The following CALCOCO1 variants were observed in gnomAD, a reference collection of about 807,000 sequenced individuals.
CALCOCO1 encodes calcium binding and coiled-coil domain 1.
CALCOCO1 carries 44 observed loss-of-function variants against 86.3 expected under a neutral mutation model. That is an observed-to-expected ratio of 0.51 (90% confidence interval 0.40 to 0.66). The LOEUF (loss-of-function observed/expected upper bound fraction) is 0.66, where lower values mean the gene tolerates loss of function less well. Ranked by LOEUF, CALCOCO1 falls within the 30% of genes least tolerant of loss-of-function variation. The pLI is 0.00. For missense variants in CALCOCO1, 708 were observed against 851.1 expected (o/e 0.83, Z 2.09); for synonymous variants, 297 against 327.6 (o/e 0.91, Z 1.01).
chr12:53,723,778 A>G lies in CALCOCO1; in HGVS notation c.265T>C (p.Tyr89His). 6.2e-7 allele frequency: 1 copy of G among 1,612,140 alleles called. No individual in the cohort carries two copies. Among genetic ancestry groups the G allele is most frequent in the Non-Finnish European group, 8.5e-7 (1 of 1,178,432 alleles). Reference protein sequence around the residue: ...IHTSVQFQASYLPKPGAQLYQ... With the variant: ...IHTSVQFQASHLPKPGAQLYQ... ...AGCTGAGCTCCTGGTTTGGGCAGGT[A>G]GCTGGCTGTGGGAAGAAGAATGGAC... The change falls in exon 4 of 15, where the codon TAC (tyrosine) becomes CAC (histidine). Residue 89 changes from tyrosine (Y) to histidine (H), a missense_variant. Physicochemically the swap from Tyr to His is moderately conservative, Grantham distance 83. Coordinates refer to ENST00000550804, the MANE Select transcript of CALCOCO1 (RefSeq NM_020898.3).
At chr12:53,722,493 G>T (rs1298981621) in intron 4 of CALCOCO1, among the ~76,000 whole-genome samples, 2 of 152,130 alleles carry the variant, frequency 1.3e-5, no homozygotes, top group African/African-American at 4.8e-5. Context: ...ACAAGGGATG[G>T]GTCCCCTAAT....
At chr12:53,723,841 C>G in intron 3 of CALCOCO1, 58 bp from the exon 4 acceptor site, 10 of 1,492,022 alleles carry the variant, frequency 6.7e-6, no homozygotes, top group Non-Finnish European at 9.2e-6. Flanking sequence ...GGCCCCAGCC[C>G]CTTGCTCGGT....
In CALCOCO1 at chr12:53,711,909, T is replaced by A. The variant is rs752665846; in HGVS notation, c.*35A>T. On this transcript the variant is annotated 3_prime_UTR_variant, in exon 15 of 15. Coordinates refer to ENST00000550804, the MANE Select transcript of CALCOCO1 (RefSeq NM_020898.3). ...GCATGTGTGTGAGTGTGTGTGTGCA[T>A]GAGTGTGTATTTGTGCATGTACGAG... is the stretch of plus-strand genomic sequence containing the variant. The A allele has an allele frequency of 6.6e-7, 1 of 1,513,284 alleles. No individual in the cohort carries two copies. Among genetic ancestry groups the A allele is most frequent in the South Asian group, 1.3e-5 (1 of 75,522 alleles). 93.7% of individuals were successfully genotyped at this position (1,513,284 alleles called of 1,614,324 possible). A position where few individuals can be genotyped will look rare whatever the true frequency, so the allele number is the denominator to read the frequency against.
At chr12:53,720,936 T>C (rs538361589) in intron 6 of CALCOCO1, among the ~76,000 whole-genome samples, 6 of 152,370 alleles carry the variant, frequency 3.9e-5, no homozygotes, top group Admixed American at 3.9e-4. Context: ...GATACAAAAA[T>C]GACAGCTGTC....
At chr12:53,717,136 CT>C (rs2120588692) in intron 7 of CALCOCO1, among the ~76,000 whole-genome samples, 1 of 152,290 alleles carries the variant, frequency 6.6e-6, no homozygotes, top group East Asian at 1.9e-4. Flanking sequence ...TCACAGCTCA[CT>C]GCAGCCTCCA....
chr12:53,716,491 G>C, intron 7 of CALCOCO1, 76 bp from the exon 8 acceptor site: 1 of 1,484,532 alleles, frequency 6.7e-7, no homozygotes, highest in Non-Finnish European at 9.3e-7. Context: ...ATTGTGATGA[G>C]AGAGGTCAAG....
At chr12:53,715,671 C>T (rs1945705515) in intron 9 of CALCOCO1, 122 bp downstream of exon 9, 1 of 1,357,022 alleles carries the variant, frequency 7.4e-7, no homozygotes, top group Admixed American at 2.0e-5. Flanking sequence ...CCCTCTCCAC[C>T]CAAGTCCTCT....
At position 53,716,302 on chromosome 12, in the gene CALCOCO1, C is replaced by T; in HGVS notation, c.963G>A (p.Val321=). ...SAQAQRLKDK[V]AQMKDTLGQA... is the part of the protein sequence containing the mutation. Reference sequence around the variant, plus strand: ...GGCCTAGGGTGTCCTTCATCTGGGCCACCTTGTCTTTCAGTCGCTGAGCCT... The same window carrying T: ...GGCCTAGGGTGTCCTTCATCTGGGCTACCTTGTCTTTCAGTCGCTGAGCCT... The change falls in exon 8 of 15, where the codon GTG becomes GTA. Residue 321 remains valine (V), a synonymous_variant. Transcript: ENST00000550804. The T allele has an allele frequency of 6.2e-7, 1 of 1,614,210 alleles. No homozygotes were observed. The highest frequency in any genetic ancestry group is 8.5e-7 in the Non-Finnish European group (1 of 1,180,040).
At position 53,721,504 on chromosome 12, in the gene CALCOCO1, T is replaced by C; in HGVS notation, c.721A>G (p.Ser241Gly). The C allele has an allele frequency of 2.5e-6, 4 of 1,612,838 alleles. No individual in the cohort carries two copies. The highest frequency in any genetic ancestry group is 3.4e-6 in the Non-Finnish European group (4 of 1,179,672). The change falls in exon 6 of 15, where the codon AGT (serine) becomes GGT (glycine). Residue 241 changes from serine to glycine, a missense_variant. Ser to Gly is a moderately conservative substitution (Grantham distance 56). Transcript: ENST00000550804. ...LELEDDIQTI[S>G]EKVLTKEVEL... ...ACTTCCTTCGTCAGCACTTTCTCAC[T>C]GATGGTCTGGATGTCATCCTCTAGC...
intron 4 of CALCOCO1, chr12:53,723,065 T>A (rs1284414573): frequency 2.8e-6 from 1 of 351,780 alleles, no homozygotes; most frequent in African/African-American, 2.1e-5. Context: ...TTTTACATTC[T>A]CTTTAAAAAA....
chr12:53,715,902 C>A lies in CALCOCO1; in HGVS notation c.1151G>T (p.Arg384Leu), dbSNP rs765478247. Reference sequence around the variant, plus strand: ...GCCGTTAACTTCAGCCACTTCCAGGCGGCTGCGGTGTAGTTCGGCTATGGT... The same window carrying A: ...GCCGTTAACTTCAGCCACTTCCAGGAGGCTGCGGTGTAGTTCGGCTATGGT... ...DRTIAELHRS[R>L]LEVAEVNGRL... Residue 384 changes from arginine to leucine, a missense_variant, in exon 9 of 15, where the codon CGC (arginine) becomes CTC (leucine). Transcript: ENST00000550804. 1.2e-6 allele frequency: 2 copies of A among 1,614,204 alleles called. No homozygotes were observed. The highest frequency in any genetic ancestry group is 1.7e-6 in the Non-Finnish European group (2 of 1,180,044).
chr12:53,712,405 A>C, intron 14 of CALCOCO1: 1 of 361,876 alleles, frequency 2.8e-6, no homozygotes, highest in Non-Finnish European at 5.0e-6. Context: ...CTGCCTAATG[A>C]GGCTGAAAAT....
At chr12:53,718,864 T>C (rs2120602995) in intron 7 of CALCOCO1, among the ~76,000 whole-genome samples, 2 of 145,604 alleles carry the variant, frequency 1.4e-5, no homozygotes, top group South Asian at 4.5e-4. Context: ...TTTTTTTTTT[T>C]TGGCACAGAG....
chr12:53,719,554 G>C (rs1028411457), intron 7 of CALCOCO1, among the ~76,000 whole-genome samples, 185 bp downstream of exon 7: 2 of 152,062 alleles, frequency 1.3e-5, no homozygotes, highest in African/African-American at 4.8e-5. Flanking sequence ...AATTTCTCTT[G>C]TGACACTCTT....
At position 53,722,041 on chromosome 12, in the gene CALCOCO1, AGCTCCGTGT is replaced by A; in HGVS notation, c.584_592del (p.His195_Glu197del). On this transcript the variant is annotated inframe_deletion, in exon 5 of 15. Coordinates refer to ENST00000550804, the MANE Select transcript of CALCOCO1 (RefSeq NM_020898.3). ...AGCTCCCACCTTGTACTGTTCCATC[AGCTCCGTGT>A]GCTCCTGCCTGGCAGTTGCCAGAGC... 1 of 1,613,378 alleles carries A rather than the reference AGCTCCGTGT, an allele frequency of 6.2e-7. No homozygotes were observed. Among genetic ancestry groups the A allele is most frequent in the Non-Finnish European group, 8.5e-7 (1 of 1,180,020 alleles).
chr12:53,723,919 G>T, intron 3 of CALCOCO1, 136 bp from the exon 4 acceptor site: 1 of 711,412 alleles, frequency 1.4e-6, no homozygotes, highest in South Asian at 1.9e-5. Flanking sequence ...CTTTCTGCCT[G>T]TCCCTCTCCT....
Position 53,725,219 on chromosome 12 carries a change from C to T in CALCOCO1, c.24G>A (p.Arg8=). 6.2e-7 allele frequency: 1 copy of T among 1,607,048 alleles called. No homozygotes were observed. The highest frequency in any genetic ancestry group is 8.5e-7 in the Non-Finnish European group (1 of 1,176,832). Residue 8 remains arginine (R), a synonymous_variant, in exon 2 of 15, where the codon CGG becomes CGA. Transcript: ENST00000550804. MEESPLS[R]APSRGGVNFL... ...AGTTGACTCCACCACGGGATGGTGC[C>T]CGGCTTAGTGGTGATTCTTCCATCC... is the stretch of plus-strand genomic sequence containing the variant.
chr12:53,715,259 C>T lies in CALCOCO1; in HGVS notation c.1327G>A (p.Glu443Lys). ...TTGAACACTTGGTTTTGGGTCCTCT[C>T]CTCCTGAACTGCCTTCTCCAATCGA... is the stretch of plus-strand genomic sequence containing the variant. ...ILRLEKAVQE[E>K]RTQNQVFKTE... Residue 443 changes from glutamate to lysine, a missense_variant, in exon 10 of 15, where the codon GAG (glutamate) becomes AAG (lysine). Physicochemically the swap from Glu to Lys is moderately conservative, Grantham distance 56. Transcript: ENST00000550804. 5.0e-6 allele frequency: 8 copies of T among 1,614,182 alleles called. No individual in the cohort carries two copies. The highest frequency in any genetic ancestry group is 1.1e-5 in the South Asian group (1 of 91,082).
chr12:53,717,896 G>A (rs1424922500), intron 7 of CALCOCO1, among the ~76,000 whole-genome samples: 4 of 152,090 alleles, frequency 2.6e-5, no homozygotes, highest in Non-Finnish European at 5.9e-5. Context: ...GTGGTGGCGG[G>A]TGCCTGTAAT....
Sources: allele counts gnomAD v4.1 joint callset (sites outside exome capture counted in the v4.1 genomes callset), GRCh38; gene constraint gnomAD v4.1.1; transcripts MANE v1.5; gene names NCBI Gene and HGNC (gene_info 2026-07-23, HGNC 2026-07-21).